TTLL4: variants seen among roughly 807,000 people sequenced by gnomAD.
The protein encoded by TTLL4 is tubulin monoglutamylase TTLL4.
A neutral mutation model predicts 122.7 loss-of-function variants in TTLL4; 85 were observed. That is an observed-to-expected ratio of 0.69 (90% confidence interval 0.58 to 0.83). The LOEUF (loss-of-function observed/expected upper bound fraction) is 0.83, where lower values mean the gene tolerates loss of function less well. Ranked by LOEUF, TTLL4 falls within the 40% of genes least tolerant of loss-of-function variation. TTLL4 has a pLI of 0.00. For synonymous variants in TTLL4, 553 were observed against 563.0 expected, an observed-to-expected ratio of 0.98 and a Z score of 0.25; for missense variants, 1,363 against 1,488.6, an observed-to-expected ratio of 0.92 and a Z score of 1.39.
chr2:218,715,731 G>A (rs559383985), intron 1 of TTLL4, among the ~76,000 whole-genome samples: 88 of 152,032 alleles, frequency 5.8e-4, no homozygotes, highest in Non-Finnish European at 9.9e-4. Flanking sequence ...CCTCGTTCAC[G>A]CCATTCTCCT....
Position 218,752,993 on chromosome 2 carries a change from C to G in TTLL4, c.3187+20C>G, listed in dbSNP as rs1943064661. On this transcript the variant is annotated intron_variant, in intron 17 of 19. Transcript: ENST00000392102. ...TTAAAGGTGATGTGCCCTCCCTGCC[C>G]TCAGAAAGCCAAGTTTAGTGAGAGA... 2 of 1,614,052 alleles carry G rather than the reference C, an allele frequency of 1.2e-6. No homozygotes were observed. Among genetic ancestry groups the G allele is most frequent in the Non-Finnish European group, 1.7e-6 (2 of 1,180,016 alleles).
intron 2 of TTLL4, among the ~76,000 whole-genome samples, chr2:218,728,924 T>TC (rs1480403680): frequency 4.7e-5 from 5 of 107,418 alleles, no homozygotes; most frequent in African/African-American, 2.0e-4. Flanking sequence ...GTGGTCTATT[T>TC]TTTTTTTTTT....
intron 5 of TTLL4, among the ~76,000 whole-genome samples, chr2:218,743,890 G>C (rs541641451): frequency 6.6e-6 from 1 of 152,224 alleles, no homozygotes; most frequent in African/African-American, 2.4e-5. Context: ...TGTTGGTCAG[G>C]CTGGTCTCCA....
intron 15 of TTLL4, 200 bp from the exon 16 acceptor site, chr2:218,751,504 C>A: frequency 3.4e-6 from 2 of 590,836 alleles, no homozygotes; most frequent in Non-Finnish European, 4.3e-6. Context: ...TGGTTTGTAT[C>A]CTTTTACTTA....
downstream of TTLL4, chr2:218,755,532 C>A (rs909668732): frequency 1.3e-5 from 2 of 152,144 alleles, no homozygotes; most frequent in African/African-American, 2.4e-5. Flanking sequence ...ACAGCACAAG[C>A]GGAAGAGTTC....
In TTLL4 at chr2:218,746,993, C is replaced by T. The variant is rs747243768; in HGVS notation, c.1975-10C>T. 28 of 1,613,292 alleles carry T rather than the reference C, an allele frequency of 1.7e-5. No homozygotes were observed. In the South Asian group the frequency reaches 2.9e-4, roughly 16 times the overall value. The stretch of plus-strand genomic sequence containing the variant: ...CCCTCTTCCTGCACTCACCCTTTTC[C>T]CTTTTGTAGCTAAACCATTTCCCAG... On this transcript the variant is annotated splice_polypyrimidine_tract_variant and intron_variant, in intron 8 of 19. Coordinates refer to ENST00000392102, the MANE Select transcript of TTLL4 (RefSeq NM_014640.5).
At chr2:218,746,952 C>G in intron 8 of TTLL4, 51 bp from the exon 9 acceptor site, 6 of 1,573,396 alleles carry the variant, frequency 3.8e-6, no homozygotes, top group East Asian at 2.2e-5. Context: ...TCATCTTCCT[C>G]ATGGCCTCAC....
chr2:218,735,034 A>T (rs76755954), intron 2 of TTLL4, among the ~76,000 whole-genome samples: 1 of 152,128 alleles, frequency 6.6e-6, no homozygotes, highest in Non-Finnish European at 1.5e-5. Flanking sequence ...ATCATTTTGA[A>T]TATTGGCAGT....
downstream of TTLL4, among the ~76,000 whole-genome samples, chr2:218,758,979 C>T (rs530552100): frequency 2.5e-3 from 380 of 152,350 alleles, 2 homozygotes; most frequent in African/African-American, 8.6e-3. Flanking sequence ...CGTGGTGGCT[C>T]ACGCCTATAA....
At chr2:218,713,758 A>G (rs1941780515) in intron 1 of TTLL4, among the ~76,000 whole-genome samples, 1 of 152,232 alleles carries the variant, frequency 6.6e-6, no homozygotes, top group Non-Finnish European at 1.5e-5. Context: ...AATAGGAAGA[A>G]TTTTAGACTG....
chr2:218,759,245 C>CAATA (rs967199544), downstream of TTLL4, among the ~76,000 whole-genome samples: 5 of 149,162 alleles, frequency 3.4e-5, no homozygotes, highest in Non-Finnish European at 7.4e-5. Flanking sequence ...CACTCCGTCT[C>CAATA]AATAAATAAA....
intron 15 of TTLL4, among the ~76,000 whole-genome samples, chr2:218,751,155 C>T (rs1191181343): frequency 6.6e-6 from 1 of 151,696 alleles, no homozygotes. Flanking sequence ...ACCCTGTAGA[C>T]TCATGTTTGG....
In TTLL4 at chr2:218,754,722, C is replaced by G. The variant is rs1436907363; in HGVS notation, c.*333C>G. ...AGCCATGTGTGGTTTGTCTGGGGGC[C>G]CTGGTGTGGTTGCTGAGTTGTAGCT... On this transcript the variant is annotated 3_prime_UTR_variant, in exon 20 of 20. Coordinates refer to ENST00000392102, the MANE Select transcript of TTLL4 (RefSeq NM_014640.5). The G allele has an allele frequency of 2.9e-5, 10 of 349,274 alleles. No homozygotes were observed. Among genetic ancestry groups the G allele is most frequent in the Middle Eastern group, 8.1e-4 (1 of 1,236 alleles). The allele number at this position is 349,274 out of a possible 1,614,324, so 21.6% of individuals were successfully genotyped here.
At position 218,752,838 on chromosome 2, in the gene TTLL4, T is replaced by G. The variant is rs1356044069; in HGVS notation, c.3052T>G (p.Ser1018Ala). Residue 1018 changes from serine (S) to alanine (A), a missense_variant, in exon 17 of 20, where the codon TCT becomes GCT. By Grantham distance (99) the Ser-to-Ala change is moderately conservative. Around this residue, in one of 3 missense-constraint regions of TTLL4, gnomAD observed 596 missense variants for 655.8 expected, o/e 0.91. Coordinates refer to ENST00000392102, the MANE Select transcript of TTLL4 (RefSeq NM_014640.5). ...TCTGGTTGAGATGGAAGATGAGTTT[T>G]CTCGCCGTGGTCAGTTTGAACGAAT... ...RILVEMEDEF[S>A]RRGQFERIFP... 6.2e-7 allele frequency: 1 copy of G among 1,614,098 alleles called. No individual in the cohort carries two copies.
At chr2:218,717,213 T>C (rs1021254227) in intron 1 of TTLL4, among the ~76,000 whole-genome samples, 1 of 152,078 alleles carries the variant, frequency 6.6e-6, no homozygotes, top group Non-Finnish European at 1.5e-5. Flanking sequence ...TTTGCCCACC[T>C]TAGCCTCCCA....
intron 5 of TTLL4, among the ~76,000 whole-genome samples, chr2:218,744,115 T>C (rs1559370280): frequency 1.3e-5 from 2 of 152,274 alleles, no homozygotes; most frequent in South Asian, 4.1e-4. Context: ...GAATTTTTCA[T>C]TGGGAATTAG....
Position 218,750,130 on chromosome 2 carries a change from A to G in TTLL4, c.2857A>G (p.Ser953Gly), listed in dbSNP as rs199705272. The change falls in exon 15 of 20, where the codon AGC becomes GGC. Residue 953 changes from serine to glycine, a missense_variant. Physicochemically the swap from Ser to Gly is moderately conservative, Grantham distance 56. Around this residue, in one of 3 missense-constraint regions of TTLL4, gnomAD observed 596 missense variants for 655.8 expected, o/e 0.91. Transcript: ENST00000392102. ...EDIISSPSSCSSSTTSLPTSP... is the reference protein window; with the variant it reads ...EDIISSPSSCGSSTTSLPTSP... ...TATCATTTCCAGCCCCAGCAGCTGC[A>G]GCAGCTCCACCACCAGGTGAGGCCC... is the stretch of plus-strand genomic sequence containing the variant. The G allele has an allele frequency of 3.7e-6, 6 of 1,613,872 alleles. No homozygotes were observed. In the East Asian group the frequency reaches 1.3e-4, roughly 36 times the overall value.
chr2:218,725,493 C>A (rs1308746896), intron 1 of TTLL4, among the ~76,000 whole-genome samples: 2 of 152,076 alleles, frequency 1.3e-5, no homozygotes, highest in African/African-American at 4.8e-5. Flanking sequence ...TAAAAACATT[C>A]TACACTTTAA....
chr2:218,711,287 C>T (rs902557211), intron 1 of TTLL4, among the ~76,000 whole-genome samples: 1 of 152,252 alleles, frequency 6.6e-6, no homozygotes, highest in African/African-American at 2.4e-5. Flanking sequence ...CTTAGTCGGC[C>T]TCGCCTCCGG....
Sources: gnomAD v4.1 joint callset for allele counts (sites outside exome capture counted in the v4.1 genomes callset) on GRCh38, gnomAD v4.1.1 for gene constraint, gnomAD v4.1.1 regional missense constraint, MANE v1.5 for transcripts, NCBI Gene and HGNC (gene_info 2026-07-23, HGNC 2026-07-21) for gene names.